The following SLC1A1 variants were observed in gnomAD, a reference collection of about 807,000 sequenced individuals.
SLC1A1 encodes excitatory amino acid transporter 3.
In SLC1A1, 43 loss-of-function variants were observed where a neutral mutation model predicts 53.3. The observed-to-expected ratio is 0.81, with a 90% CI of 0.63 to 1.04. The LOEUF (loss-of-function observed/expected upper bound fraction) is 1.04. Among genes scored for constraint, SLC1A1 ranks in the 50% least tolerant of loss-of-function variants. The pLI, the probability that SLC1A1 is intolerant of heterozygous loss-of-function variation, is 0.00. For missense variants in SLC1A1, 748 were observed against 664.9 expected, an observed-to-expected ratio of 1.12 and a Z score of -1.37; for synonymous variants, 307 against 243.2, an observed-to-expected ratio of 1.26 and a Z score of -2.44.
At position 4,537,591 on chromosome 9, in the gene SLC1A1, AAT is replaced by A. The variant is rs1491543739; in HGVS notation, c.92-6974_92-6973del. Among the ~76,000 whole-genome samples the A allele has an allele frequency of 8.4e-4, 27 of 32,126 alleles. 6 individuals are homozygous for A. The highest frequency in any genetic ancestry group is 5.8e-3 in the Admixed American group (18 of 3,078). The allele number at this position is 32,126 out of a possible 152,430, so 21.1% of individuals were successfully genotyped here. ...AAAAAAATAAAATAAAATAAAATAAAATAAAATAAAAAAAAAAAAAATCACAT... is the reference window on the plus strand; with the variant it reads ...AAAAAAATAAAATAAAATAAAATAAAAAAATAAAAAAAAAAAAAATCACAT... On this transcript the variant is annotated intron_variant, in intron 1 of 11. Coordinates refer to ENST00000262352, the MANE Select transcript of SLC1A1 (RefSeq NM_004170.6).
At chr9:4,532,985 A>C (rs1024568960) in intron 1 of SLC1A1, among the ~76,000 whole-genome samples, 1 of 152,178 alleles carries the variant, frequency 6.6e-6, no homozygotes, top group African/African-American at 2.4e-5. Flanking sequence ...TGAAGGAGAA[A>C]TAAAATACTT....
intron 1 of SLC1A1, among the ~76,000 whole-genome samples, chr9:4,498,906 A>C (rs2130796501): frequency 6.8e-6 from 1 of 147,174 alleles, no homozygotes; most frequent in African/African-American, 2.5e-5. Flanking sequence ...TATATATTAC[A>C]TGTATACATA....
chr9:4,493,230 G>C (rs1362730511), intron 1 of SLC1A1, among the ~76,000 whole-genome samples: 2 of 152,210 alleles, frequency 1.3e-5, no homozygotes, highest in African/African-American at 4.8e-5. Flanking sequence ...CCTGCTTCTG[G>C]TCTGAGAAGT....
intron 1 of SLC1A1, among the ~76,000 whole-genome samples, chr9:4,535,457 A>G (rs1816639444): frequency 6.6e-6 from 1 of 152,214 alleles, no homozygotes; most frequent in African/African-American, 2.4e-5. Flanking sequence ...TCCCATTCAC[A>G]ATTGCTTCAA....
intron 2 of SLC1A1, among the ~76,000 whole-genome samples, chr9:4,546,892 A>G (rs993393684): frequency 1.3e-5 from 2 of 152,218 alleles, no homozygotes; most frequent in African/African-American, 4.8e-5. Context: ...CATATATACT[A>G]TATTTTGCAC....
chr9:4,547,531 G>A (rs1453934861), intron 2 of SLC1A1, among the ~76,000 whole-genome samples: 3 of 152,162 alleles, frequency 2.0e-5, no homozygotes, highest in African/African-American at 7.2e-5. Context: ...GACTAGTGTT[G>A]GCACAGTTAT....
intron 1 of SLC1A1, among the ~76,000 whole-genome samples, chr9:4,526,849 A>C (rs1044103022): frequency 1.3e-5 from 2 of 152,056 alleles, no homozygotes; most frequent in Admixed American, 6.6e-5. Flanking sequence ...CTTCTTGGCA[A>C]ACATACCCTG....
At chr9:4,529,534 G>C (rs1816389042) in intron 1 of SLC1A1, among the ~76,000 whole-genome samples, 1 of 152,176 alleles carries the variant, frequency 6.6e-6, no homozygotes, top group Admixed American at 6.5e-5. Context: ...GCCTATTTCT[G>C]TAGGTGCTCA....
At chr9:4,534,285 A>T (rs1200552376) in intron 1 of SLC1A1, among the ~76,000 whole-genome samples, 1 of 152,210 alleles carries the variant, frequency 6.6e-6, no homozygotes, top group Non-Finnish European at 1.5e-5. Flanking sequence ...GGTTTTTTGA[A>T]AAGATCAACA....
chr9:4,506,805 A>T (rs1399646526), intron 1 of SLC1A1, among the ~76,000 whole-genome samples: 2 of 152,166 alleles, frequency 1.3e-5, no homozygotes, highest in African/African-American at 4.8e-5. Context: ...CAGTGTGTGG[A>T]GTATGCAGCC....
intron 10 of SLC1A1, 40 bp from the exon 11 acceptor site, chr9:4,582,998 G>A (rs375606221): frequency 1.2e-6 from 2 of 1,613,868 alleles, no homozygotes; most frequent in Non-Finnish European, 1.7e-6. Context: ...AACGGGAGAG[G>A]TAAGTGTCTA....
At chr9:4,515,267 G>C (rs1334608179) in intron 1 of SLC1A1, among the ~76,000 whole-genome samples, 3 of 152,102 alleles carry the variant, frequency 2.0e-5, no homozygotes, top group Non-Finnish European at 4.4e-5. Flanking sequence ...AGGTGATCAC[G>C]AAGGCCAACC....
chr9:4,532,468 G>C (rs559158234), intron 1 of SLC1A1, among the ~76,000 whole-genome samples: 1 of 152,090 alleles, frequency 6.6e-6, no homozygotes, highest in Non-Finnish European at 1.5e-5. Context: ...TATCAGTGAT[G>C]GAAGATGAAA....
chr9:4,572,753 T>C (rs1451520995), intron 7 of SLC1A1, among the ~76,000 whole-genome samples: 1 of 152,168 alleles, frequency 6.6e-6, no homozygotes, highest in African/African-American at 2.4e-5. Context: ...TTTGCCATGT[T>C]GCCCAGGCTG....
At chr9:4,515,550 A>C (rs1821133398) in intron 1 of SLC1A1, among the ~76,000 whole-genome samples, 1 of 152,138 alleles carries the variant, frequency 6.6e-6, no homozygotes, top group African/African-American at 2.4e-5. Flanking sequence ...AACAGATGGG[A>C]TCCCTGTGGG....
In SLC1A1 at chr9:4,496,182, C is replaced by T. The variant is rs368919460; in HGVS notation, c.91+5412C>T. Among the ~76,000 whole-genome samples the T allele has an allele frequency of 2.8e-4, 42 of 152,024 alleles. 1 individual carries two copies. Among genetic ancestry groups the T allele is most frequent in the Admixed American group, 7.2e-4 (11 of 15,262 alleles). On this transcript the variant is annotated intron_variant, in intron 1 of 11. Coordinates refer to ENST00000262352, the MANE Select transcript of SLC1A1 (RefSeq NM_004170.6). ...AAGAGAAGGGGCCCACAGGAGAAAC[C>T]GGACGTGGTGTGATAGAAATTAAGA...
chr9:4,572,162 T>C (rs1212603845), intron 6 of SLC1A1, 42 bp from the exon 7 acceptor site: 1 of 1,540,322 alleles, frequency 6.5e-7, no homozygotes, highest in Non-Finnish European at 9.0e-7. Flanking sequence ...CTAACAAGAT[T>C]ATAATCGTGC....
In SLC1A1 at chr9:4,586,141, G is replaced by A. The variant is rs1223029212; in HGVS notation, c.*583G>A. 1.2e-5 allele frequency: 2 copies of A among 161,522 alleles called. No individual in the cohort carries two copies. Among genetic ancestry groups the A allele is most frequent in the African/African-American group, 4.8e-5 (2 of 41,430 alleles). 10.0% of individuals were successfully genotyped at this position (161,522 alleles called of 1,614,324 possible). ...AGATGGGCATAGGGTTTGGAAGAAA[G>A]GGAGAAGGATTCTTTTTTCAATGTA... is the stretch of plus-strand genomic sequence containing the variant. On this transcript the variant is annotated 3_prime_UTR_variant, in exon 12 of 12. Transcript: ENST00000262352.
intron 10 of SLC1A1, among the ~76,000 whole-genome samples, chr9:4,579,165 T>G (rs1820833814): frequency 6.6e-6 from 1 of 152,228 alleles, no homozygotes; most frequent in Non-Finnish European, 1.5e-5. Context: ...CTATAAAAAG[T>G]GTTAGCGGCT....
Sources: gnomAD v4.1 joint callset for allele counts (sites outside exome capture counted in the v4.1 genomes callset) on GRCh38, gnomAD v4.1.1 for gene constraint, MANE v1.5 for transcripts, NCBI Gene and HGNC (gene_info 2026-07-23, HGNC 2026-07-21) for gene names.